Variants in HCN2 observed in about 807,000 individuals in gnomAD.
HCN2 encodes potassium/sodium hyperpolarization-activated cyclic nucleotide-gated channel 2.
In HCN2, 20 loss-of-function variants were observed where a neutral mutation model predicts 52.3. That is an observed-to-expected ratio of 0.38 (90% CI 0.27 to 0.56). The LOEUF is 0.56. HCN2 is among the 20% of genes least tolerant of loss of function. HCN2 has a pLI of 0.71. For synonymous variants in HCN2, 694 were observed against 537.0 expected, an observed-to-expected ratio of 1.29 and a Z score of -4.04; for missense variants, 981 against 1,207.7, an observed-to-expected ratio of 0.81 and a Z score of 2.78.
At position 602,985 on chromosome 19, in the gene HCN2, C is replaced by G. The variant is rs34505785; in HGVS notation, c.633-559C>G. Among the ~76,000 whole-genome samples the G allele has an allele frequency of 1.5e-4, 7 of 46,752 alleles. 1 individual carries two copies. Among genetic ancestry groups the G allele is most frequent in the East Asian group, 7.1e-4 (1 of 1,416 alleles). 30.7% of individuals were successfully genotyped at this position (46,752 alleles called of 152,430 possible). A position where few individuals can be genotyped will look rare whatever the true frequency, so the allele number is the denominator to read the frequency against. On this transcript the variant is annotated intron_variant, in intron 1 of 7. Coordinates refer to ENST00000251287, the MANE Select transcript of HCN2 (RefSeq NM_001194.4). ...CACCGGCCTGAGCTGTGGGCACCCT[C>G]GTCCCCCAGGGAGGAATGCCCGGGG... is the stretch of plus-strand genomic sequence containing the variant.
At chr19:613,149 G>C (rs1600537610) in intron 5 of HCN2, 99 bp from the exon 6 acceptor site, 3 of 1,439,878 alleles carry the variant, frequency 2.1e-6, no homozygotes, top group East Asian at 5.0e-5. Flanking sequence ...TCTCAGACGA[G>C]GAAACTGGGG....
At position 616,501 on chromosome 19, in the gene HCN2, G is replaced by C. The variant is rs1042047460; in HGVS notation, c.*27G>C. ...CCTCGCCGACCGCCCCGCGGGCCCA[G>C]GCGGGCCGGGGGCGGGGCCGTCATC... On this transcript the variant is annotated 3_prime_UTR_variant, in exon 8 of 8. Coordinates refer to ENST00000251287, the MANE Select transcript of HCN2 (RefSeq NM_001194.4). The C allele has an allele frequency of 3.3e-6, 4 of 1,198,396 alleles. No individual in the cohort carries two copies. Among genetic ancestry groups the C allele is most frequent in the East Asian group, 8.3e-5 (2 of 24,168 alleles). The allele number at this position is 1,198,396 out of a possible 1,614,324, so 74.2% of individuals were successfully genotyped here.
At chr19:594,601 G>A (rs1279962741) in intron 1 of HCN2, among the ~76,000 whole-genome samples, 2 of 152,194 alleles carry the variant, frequency 1.3e-5, no homozygotes, top group Non-Finnish European at 2.9e-5. Context: ...TGGCTGAGTG[G>A]GTCAGCGGGA....
chr19:613,827 ACC>A, intron 6 of HCN2, 23 bp from the exon 7 acceptor site: 12 of 1,501,212 alleles, frequency 8.0e-6, no homozygotes, highest in Middle Eastern at 2.5e-4. Flanking sequence ...TCGTCCAGCA[ACC>A]CCCCCCTGCG....
chr19:597,733 C>CT (rs1386149104), intron 1 of HCN2, among the ~76,000 whole-genome samples: 2 of 150,304 alleles, frequency 1.3e-5, no homozygotes, highest in Non-Finnish European at 1.5e-5. Flanking sequence ...TCTAGGTCCT[C>CT]CTGGTGGTTT....
At position 592,054 on chromosome 19, in the gene HCN2, G is replaced by A. The variant is rs115966794; in HGVS notation, c.632+1477G>A. ...TCCCACCCTGCCTCTGTGCCCCACC[G>A]GGAGAGCTTGGTCAGCATCTGGGCT... On this transcript the variant is annotated intron_variant, in intron 1 of 7. Transcript: ENST00000251287. This position sits in a 1 kb window ranked among gnomAD's most constrained non-coding sequence, Gnocchi z 4.8. Among the ~76,000 whole-genome samples, 12,059 of 152,274 alleles carry A rather than the reference G, an allele frequency of 0.079. 680 individuals are homozygous for A. Among genetic ancestry groups the A allele is most frequent in the Admixed American group, 0.15 (2,233 of 15,310 alleles).
At position 599,688 on chromosome 19, in the gene HCN2, T is replaced by C. The variant is rs549297113; in HGVS notation, c.633-3856T>C. 4.7e-3 allele frequency among the ~76,000 whole-genome samples: 703 copies of C among 151,136 alleles called. 5 individuals carry two copies. Among genetic ancestry groups the C allele is most frequent in the Middle Eastern group, 0.011 (3 of 284 alleles). ...CTATAGTCCCAGCTACTCGGGAGGG[T>C]GAGGCAAGAGAATGGTGTGAACCCT... On this transcript the variant is annotated intron_variant, in intron 1 of 7. Coordinates refer to ENST00000251287, the MANE Select transcript of HCN2 (RefSeq NM_001194.4).
intron 1 of HCN2, among the ~76,000 whole-genome samples, chr19:601,844 G>A (rs1226266728): frequency 6.6e-6 from 1 of 151,104 alleles, no homozygotes; most frequent in Non-Finnish European, 1.5e-5. Flanking sequence ...CGCAGGCCCT[G>A]AACCGACAGG....
In HCN2 at chr19:591,068, G is replaced by C. The variant is rs888424525; in HGVS notation, c.632+491G>C. 1 of 152,140 alleles carries C rather than the reference G, an allele frequency of 6.6e-6. No individual in the cohort carries two copies. The highest frequency in any genetic ancestry group is 1.5e-5 in the Non-Finnish European group (1 of 68,028). 9.4% of individuals were successfully genotyped at this position (152,140 alleles called of 1,614,324 possible). On this transcript the variant is annotated intron_variant, in intron 1 of 7. Coordinates refer to ENST00000251287, the MANE Select transcript of HCN2 (RefSeq NM_001194.4). The surrounding 1 kb of genome is among the most constrained non-coding windows in gnomAD (Gnocchi z 4.1). ...GCCCGGGGCCGCGGGCCTGGAAAGC[G>C]TGCGGGTCCCCAGGCTGTGTCCCCG...
intron 1 of HCN2, 67 bp from the exon 2 acceptor site, chr19:603,477 C>A: frequency 7.6e-7 from 1 of 1,323,482 alleles, no homozygotes; most frequent in Non-Finnish European, 1.1e-6. Context: ...AGGAAGAGTG[C>A]CCGGGGCTGG....
chr19:604,650 C>T (rs1468367831), intron 2 of HCN2, among the ~76,000 whole-genome samples: 1 of 62,514 alleles, frequency 1.6e-5, no homozygotes, highest in African/African-American at 7.8e-5. Context: ...AAGGGCGGGA[C>T]TATGAGGGTT....
At chr19:612,240 C>T (rs908538805) in intron 5 of HCN2, among the ~76,000 whole-genome samples, 6 of 152,170 alleles carry the variant, frequency 3.9e-5, no homozygotes, top group East Asian at 1.9e-4. Context: ...CCACACAGAA[C>T]GAAGCTGGAA....
intron 1 of HCN2, among the ~76,000 whole-genome samples, chr19:600,587 C>T (rs958297943): frequency 6.6e-6 from 1 of 151,846 alleles, no homozygotes; most frequent in Non-Finnish European, 1.5e-5. Context: ...CCTCATGATG[C>T]GACCACCTTT....
chr19:604,588 G>T (rs1171895649), intron 2 of HCN2, among the ~76,000 whole-genome samples: 1 of 99,512 alleles, frequency 1.0e-5, no homozygotes, highest in Non-Finnish European at 2.0e-5. Context: ...GCTGAGCGGG[G>T]TCAGACATCC....
At chr19:607,849 T>C (rs927453308) in intron 3 of HCN2, 115 bp from the exon 4 acceptor site, 2 of 707,256 alleles carry the variant, frequency 2.8e-6, no homozygotes, top group African/African-American at 1.8e-5. Flanking sequence ...CCTCTGAACA[T>C]GGGGAGCTCA....
rs954693499 is a variant in HCN2 at position 613,835 on chromosome 19, C to T, written c.1826-17C>T. The T allele has an allele frequency of 1.4e-5, 21 of 1,533,298 alleles. No homozygotes were observed. Among genetic ancestry groups the T allele is most frequent in the Non-Finnish European group, 1.8e-5 (21 of 1,146,144 alleles). 95.0% of individuals were successfully genotyped at this position (1,533,298 alleles called of 1,614,324 possible). A position where few individuals can be genotyped will look rare whatever the true frequency, so the allele number is the denominator to read the frequency against. ...GCCCGCCTCGTCCAGCAACCCCCCC[C>T]TGCGCGCCACGTGCAGAGATCTGCC... On this transcript the variant is annotated splice_polypyrimidine_tract_variant and intron_variant, in intron 6 of 7. Transcript: ENST00000251287.
At chr19:599,637 A>ATGT (rs2144510657) in intron 1 of HCN2, among the ~76,000 whole-genome samples, 1 of 151,990 alleles carries the variant, frequency 6.6e-6, no homozygotes, top group Non-Finnish European at 1.5e-5. Context: ...AAAAAAAAAA[A>ATGT]ATTATCTGGG....
chr19:594,716 G>A (rs1044656092), intron 1 of HCN2, among the ~76,000 whole-genome samples: 6 of 152,186 alleles, frequency 3.9e-5, no homozygotes, highest in African/African-American at 1.4e-4. Flanking sequence ...CCGGGGGCAG[G>A]GCGAGGCGAG....
chr19:605,043 C>T lies in HCN2; in HGVS notation c.1057-18C>T. 2 of 1,603,060 alleles carry T rather than the reference C, an allele frequency of 1.2e-6. No individual in the cohort carries two copies. Among genetic ancestry groups the T allele is most frequent in the Non-Finnish European group, 1.7e-6 (2 of 1,174,154 alleles). On this transcript the variant is annotated intron_variant, in intron 2 of 7. Transcript: ENST00000251287. ...CGGGGGTCAGCGGGTAGGGTGGGCT[C>T]ACGGCGCCTTCCTGCAGATCTTCCA... is the stretch of plus-strand genomic sequence containing the variant.
Sources: allele counts gnomAD v4.1 joint callset (sites outside exome capture counted in the v4.1 genomes callset), GRCh38; gene constraint gnomAD v4.1.1; non-coding constraint Gnocchi (gnomAD v3.1); transcripts MANE v1.5; gene names NCBI Gene and HGNC (gene_info 2026-07-23, HGNC 2026-07-21).